The following DENND2A variants were observed in gnomAD, a reference collection of about 807,000 sequenced individuals.
DENND2A encodes the protein DENN domain containing 2A.
Under a neutral mutation model 105.3 loss-of-function variants are expected in DENND2A, and 53 were observed. The ratio of observed to expected loss-of-function variants is 0.50; its 90% CI spans 0.40 to 0.63. The LOEUF is 0.63. DENND2A is among the 30% of genes least tolerant of loss of function. DENND2A has a pLI of 0.00. For synonymous variants in DENND2A, 522 were observed against 508.4 expected (o/e 1.03, Z -0.36); for missense variants, 1,138 against 1,279.6 (o/e 0.89, Z 1.69).
intron 3 of DENND2A, among the ~76,000 whole-genome samples, chr7:140,590,346 C>T (rs1026662675): frequency 6.6e-5 from 10 of 151,636 alleles, no homozygotes; most frequent in Admixed American, 6.6e-5. Flanking sequence ...GCTGAGATTG[C>T]GCCACTGCAC....
At chr7:140,624,835 TTTTG>T (rs1232742471) in intron 1 of DENND2A, among the ~76,000 whole-genome samples, 1 of 151,426 alleles carries the variant, frequency 6.6e-6, no homozygotes, top group Non-Finnish European at 1.5e-5. Flanking sequence ...TGTTGAGAGA[TTTTG>T]TTTTTCTTTG....
intron 3 of DENND2A, among the ~76,000 whole-genome samples, chr7:140,595,374 C>G (rs1015474787): frequency 2.0e-5 from 3 of 151,502 alleles, no homozygotes; most frequent in Non-Finnish European, 2.9e-5. Context: ...ATCCCTACTT[C>G]AAGATTTAAA....
intron 3 of DENND2A, among the ~76,000 whole-genome samples, chr7:140,596,366 G>T (rs542973935): frequency 2.0e-5 from 3 of 152,164 alleles, no homozygotes; most frequent in Non-Finnish European, 4.4e-5. Flanking sequence ...TTGAAGACTT[G>T]AAACATTCAG....
intron 5 of DENND2A, among the ~76,000 whole-genome samples, chr7:140,577,292 T>C (rs1244953818): frequency 1.3e-5 from 2 of 151,938 alleles, no homozygotes; most frequent in Non-Finnish European, 2.9e-5. Context: ...GTAAGCACAG[T>C]GAAACAGATG....
intron 7 of DENND2A, 111 bp downstream of exon 7, chr7:140,569,534 A>G: frequency 1.3e-6 from 1 of 786,392 alleles, no homozygotes; most frequent in Non-Finnish European, 2.3e-6. Flanking sequence ...TTTACAAAGC[A>G]TCAGCTTGTT....
chr7:140,598,646 A>T (rs1012241198), intron 3 of DENND2A, among the ~76,000 whole-genome samples: 2 of 152,178 alleles, frequency 1.3e-5, no homozygotes, highest in Non-Finnish European at 2.9e-5. Flanking sequence ...ACACAAAATA[A>T]GAGTTTTCTT....
intron 13 of DENND2A, 49 bp downstream of exon 13, chr7:140,546,750 G>A (rs2130529255): frequency 6.2e-7 from 1 of 1,606,824 alleles, no homozygotes; most frequent in Non-Finnish European, 8.5e-7. Context: ...AGACTCGGCT[G>A]TCTGGGCCAC....
chr7:140,518,566 G>A lies in DENND2A; in HGVS notation c.*141C>T. The stretch of plus-strand genomic sequence containing the variant: ...CTCCCAGGTCCTCATCCAGGGAAGA[G>A]CCCAGCCTCGGCCAGAAGCCACCGC... On this transcript the variant is annotated 3_prime_UTR_variant, in exon 20 of 20. Transcript: ENST00000496613. 1 of 819,012 alleles carries A rather than the reference G, an allele frequency of 1.2e-6. No homozygotes were observed. 50.7% of individuals were successfully genotyped at this position (819,012 alleles called of 1,614,324 possible).
chr7:140,520,308 A>C (rs1033365149), intron 18 of DENND2A, among the ~76,000 whole-genome samples: 3 of 146,714 alleles, frequency 2.0e-5, no homozygotes, highest in African/African-American at 4.9e-5. Context: ...CTCCGTCGCA[A>C]AAAAAAAAAA....
chr7:140,595,034 GT>G (rs1799226315), intron 3 of DENND2A, among the ~76,000 whole-genome samples: 2 of 151,562 alleles, frequency 1.3e-5, no homozygotes, highest in Admixed American at 6.6e-5. Context: ...TTGAGATGGA[GT>G]CTTGCTCTGT....
chr7:140,578,535 C>T (rs898786931), intron 5 of DENND2A, among the ~76,000 whole-genome samples: 1 of 152,188 alleles, frequency 6.6e-6, no homozygotes, highest in Non-Finnish European at 1.5e-5. Context: ...CCTGTAGGTA[C>T]ACACATTCTT....
intron 4 of DENND2A, among the ~76,000 whole-genome samples, chr7:140,586,784 GC>G (rs1798802469): frequency 6.6e-6 from 1 of 152,164 alleles, no homozygotes; most frequent in Admixed American, 6.5e-5. Context: ...CTAAGCATCT[GC>G]CTTCCTCAAA....
Position 140,519,672 on chromosome 7 carries a change from A to T in DENND2A, c.2958T>A (p.Ser986Arg). ...ACTTATTGACACCGCTGTGCTCTCC[A>T]CTGGGGAGTGTTTCCAGATACTCTT... The part of the protein sequence containing the change: ...RAQEYLETLP[S>R]GEHSGVNKFL... The change falls in exon 19 of 20, where the codon AGT (serine) becomes AGA (arginine). Residue 986 changes from serine (S) to arginine (R), a missense_variant. By Grantham distance (110) the Ser-to-Arg change is moderately radical. This residue lies in a region of DENND2A where 627 missense variants were observed against 779.8 expected (regional missense o/e 0.80). Transcript: ENST00000496613. 1 of 1,614,070 alleles carries T rather than the reference A, an allele frequency of 6.2e-7. No homozygotes were observed. Among genetic ancestry groups the T allele is most frequent in the Non-Finnish European group, 8.5e-7 (1 of 1,180,018 alleles).
rs769829758 is a variant in DENND2A at position 140,567,266 on chromosome 7, G to C, written c.1599C>G (p.Ser533Arg). Reference sequence around the variant, plus strand: ...GGGACTTCACGTTGACCAGGCGCTGGCTGTGAGCTGGGTGAGGGAGGGAGA... The same window carrying C: ...GGGACTTCACGTTGACCAGGCGCTGCCTGTGAGCTGGGTGAGGGAGGGAGA... The part of the protein sequence containing the change: ...SDTEEKLKAH[S>R]QRLVNVKSRL... The change falls in exon 9 of 20, where the codon AGC (serine) becomes AGG (arginine). Residue 533 changes from serine (S) to arginine (R), a missense_variant. This residue lies in a region of DENND2A where 627 missense variants were observed against 779.8 expected (regional missense o/e 0.80). Transcript: ENST00000496613. 9.4e-6 allele frequency: 15 copies of C among 1,604,094 alleles called. No individual in the cohort carries two copies. In the Admixed American group the frequency reaches 1.5e-4, roughly 16 times the overall value.
intron 1 of DENND2A, among the ~76,000 whole-genome samples, chr7:140,639,765 G>A (rs1003404146): frequency 6.6e-6 from 1 of 152,182 alleles, no homozygotes; most frequent in African/African-American, 2.4e-5. Context: ...GGTTAAGGCA[G>A]GGTCACTGCA....
intron 5 of DENND2A, among the ~76,000 whole-genome samples, chr7:140,576,224 C>T (rs1438053383): frequency 6.6e-6 from 1 of 151,922 alleles, no homozygotes; most frequent in African/African-American, 2.4e-5. Flanking sequence ...GTGCTTTTCC[C>T]ATGTGATTTA....
chr7:140,580,109 A>C (rs1186749424), intron 5 of DENND2A, among the ~76,000 whole-genome samples: 1 of 149,576 alleles, frequency 6.7e-6, no homozygotes, highest in Admixed American at 6.6e-5. Context: ...ACTCCATCTC[A>C]AAAAAAAATG....
At chr7:140,576,515 C>T (rs1300170524) in intron 5 of DENND2A, among the ~76,000 whole-genome samples, 1 of 152,194 alleles carries the variant, frequency 6.6e-6, no homozygotes, top group African/African-American at 2.4e-5. Flanking sequence ...TCTTTATCAA[C>T]TTATGAGGCC....
Position 140,559,588 on chromosome 7 carries a change from G to A in DENND2A, c.1889+120C>T. On this transcript the variant is annotated intron_variant, in intron 10 of 19. Coordinates refer to ENST00000496613, the MANE Select transcript of DENND2A (RefSeq NM_015689.5). The surrounding 1 kb of genome is among the most constrained non-coding windows in gnomAD (Gnocchi z 4.1). The stretch of plus-strand genomic sequence containing the variant: ...AAAACACCCCTTGGGGAAAGCTCTA[G>A]GCCAGGCCCATCAGGATTACTTAAC... 1.4e-6 allele frequency: 1 copy of A among 731,786 alleles called. No homozygotes were observed. The highest frequency in any genetic ancestry group is 2.3e-6 in the Non-Finnish European group (1 of 432,246). The allele number at this position is 731,786 out of a possible 1,614,324, so 45.3% of individuals were successfully genotyped here. A position where few individuals can be genotyped will look rare whatever the true frequency, so the allele number is the denominator to read the frequency against.
Sources: gnomAD v4.1 joint callset for allele counts (sites outside exome capture counted in the v4.1 genomes callset) on GRCh38, gnomAD v4.1.1 for gene constraint, gnomAD v4.1.1 regional missense constraint, Gnocchi (gnomAD v3.1) non-coding constraint, MANE v1.5 for transcripts, NCBI Gene and HGNC (gene_info 2026-07-23, HGNC 2026-07-21) for gene names.